The following NDST3 variants were observed in gnomAD, a reference collection of about 807,000 sequenced individuals.
NDST3 encodes the protein N-deacetylase and N-sulfotransferase 3.
Under a neutral mutation model 96.1 loss-of-function variants are expected in NDST3, and 58 were observed. That is an observed-to-expected ratio of 0.60 (90% CI 0.49 to 0.75). The LOEUF (loss-of-function observed/expected upper bound fraction) is 0.75. Ranked by LOEUF, NDST3 falls within the 30% of genes least tolerant of loss-of-function variation. The pLI, the probability that NDST3 is intolerant of heterozygous loss-of-function variation, is 0.00. For missense variants in NDST3, 788 were observed against 1,034.2 expected (o/e 0.76, Z 3.27); for synonymous variants, 333 against 359.7 (o/e 0.93, Z 0.84).
At chr4:118,118,277 T>G (rs983673353) in intron 4 of NDST3, among the ~76,000 whole-genome samples, 6 of 152,160 alleles carry the variant, frequency 3.9e-5, no homozygotes, top group African/African-American at 1.4e-4. Context: ...TGAAAAAACA[T>G]GCAAAGAAGC....
intron 1 of NDST3, among the ~76,000 whole-genome samples, chr4:118,043,910 G>C (rs763906034): frequency 3.9e-5 from 6 of 152,322 alleles, no homozygotes; most frequent in Middle Eastern, 3.4e-3. Flanking sequence ...TCAGGGACGT[G>C]CACTGGAATT....
At chr4:118,149,341 T>C (rs1018018824) in intron 6 of NDST3, among the ~76,000 whole-genome samples, 3 of 152,166 alleles carry the variant, frequency 2.0e-5, no homozygotes, top group African/African-American at 7.2e-5. Flanking sequence ...TAAATTACCT[T>C]GGGCAGTATG....
chr4:118,196,134 G>A (rs1213577645), intron 6 of NDST3, among the ~76,000 whole-genome samples: 3 of 152,152 alleles, frequency 2.0e-5, no homozygotes, highest in Non-Finnish European at 2.9e-5. Context: ...CTACTGATAT[G>A]ATGTATCACA....
rs28847022 is a variant in NDST3, at chr4:118,166,861, A to C, written c.1539+23177A>C. 6.2e-3 allele frequency among the ~76,000 whole-genome samples: 937 copies of C among 152,116 alleles called. 10 individuals carry two copies. The highest frequency in any genetic ancestry group is 0.021 in the African/African-American group (878 of 41,564). On this transcript the variant is annotated intron_variant, in intron 6 of 13. Transcript: ENST00000296499. ...AAAATGCAATATGATTTCATGATAA[A>C]AACTTGCAACAAAGTAGGAATAAAA...
rs1423777125 is a variant in NDST3, at chr4:118,066,294, ATATATTATG to A, written c.981+11407_981+11415del. 2.0e-3 allele frequency among the ~76,000 whole-genome samples: 19 copies of A among 9,288 alleles called. 1 individual carries two copies. The highest frequency in any genetic ancestry group is 3.7e-3 in the Admixed American group (1 of 268). 6.1% of individuals were successfully genotyped at this position (9,288 alleles called of 152,430 possible). ...ATATATTATATATTATATATATTATATATATTATGTATTATATATATTATATATATTATG... is the reference window on the plus strand; with the variant it reads ...ATATATTATATATTATATATATTATATATTATATATATTATATATATTATG... On this transcript the variant is annotated intron_variant, in intron 2 of 13. Coordinates refer to ENST00000296499, the MANE Select transcript of NDST3 (RefSeq NM_004784.3).
At chr4:118,044,895 G>A (rs927696787) in intron 1 of NDST3, among the ~76,000 whole-genome samples, 1 of 152,026 alleles carries the variant, frequency 6.6e-6, no homozygotes, top group Non-Finnish European at 1.5e-5. Context: ...CCAAGATAAT[G>A]ACATTTATCT....
chr4:118,196,302 T>G (rs1030750562), intron 6 of NDST3, among the ~76,000 whole-genome samples: 5 of 152,254 alleles, frequency 3.3e-5, no homozygotes, highest in African/African-American at 1.2e-4. Context: ...TGGCCTGTAG[T>G]TTTCTTTTTT....
At chr4:118,157,941 G>T (rs139295087) in intron 6 of NDST3, among the ~76,000 whole-genome samples, 1 of 152,066 alleles carries the variant, frequency 6.6e-6, no homozygotes, top group East Asian at 1.9e-4. Context: ...ACAAAAGTCT[G>T]CATGGAAAAT....
At chr4:118,084,955 C>A (rs1243658863) in intron 2 of NDST3, among the ~76,000 whole-genome samples, 1 of 152,068 alleles carries the variant, frequency 6.6e-6, no homozygotes, top group African/African-American at 2.4e-5. Context: ...CCCGTCTCTA[C>A]TAAAAATACA....
At chr4:118,140,218 T>C (rs1250023241) in intron 5 of NDST3, among the ~76,000 whole-genome samples, 1 of 152,228 alleles carries the variant, frequency 6.6e-6, no homozygotes, top group Non-Finnish European at 1.5e-5. Flanking sequence ...TATCTACCTA[T>C]TTCTATTCCC....
intron 4 of NDST3, among the ~76,000 whole-genome samples, chr4:118,133,121 C>A (rs570597069): frequency 1.3e-5 from 2 of 152,286 alleles, no homozygotes; most frequent in South Asian, 4.1e-4. Context: ...AATCCCAATC[C>A]AGCACTAGGA....
At chr4:118,186,005 T>C (rs2125958303) in intron 6 of NDST3, among the ~76,000 whole-genome samples, 1 of 152,244 alleles carries the variant, frequency 6.6e-6, no homozygotes, top group South Asian at 2.1e-4. Flanking sequence ...TGAAACCCAG[T>C]GGGAAAACAG....
chr4:118,122,494 C>T (rs11933808), intron 4 of NDST3, among the ~76,000 whole-genome samples: 865 of 13,230 alleles, frequency 0.065, 11 homozygotes, highest in Admixed American at 0.1. Flanking sequence ...TCAGTTTTTT[C>T]TTTCTTTTGT....
intron 4 of NDST3, among the ~76,000 whole-genome samples, chr4:118,130,111 ATCATAGAGTC>A (rs546034095): frequency 1.4e-3 from 220 of 152,174 alleles, no homozygotes; most frequent in African/African-American, 4.5e-3. Context: ...TGGGCAACAG[ATCATAGAGTC>A]TTGTATTTTC....
In NDST3 at chr4:118,054,897, G is replaced by C. The variant is rs764696362; in HGVS notation, c.981+6G>C. The C allele has an allele frequency of 8.7e-6, 14 of 1,606,890 alleles. No homozygotes were observed. The African/African-American group carries it at 1.5e-4, about 17-fold the overall frequency. The stretch of plus-strand genomic sequence containing the variant: ...TGAACACCAATGATGTAAAGGTAAG[G>C]CTCTATTTTCTCAAGTTTCAAAGTT... On this transcript the variant is annotated splice_donor_region_variant and intron_variant, in intron 2 of 13. Coordinates refer to ENST00000296499, the MANE Select transcript of NDST3 (RefSeq NM_004784.3).
chr4:118,129,343 G>C (rs6823295), intron 4 of NDST3, among the ~76,000 whole-genome samples: 120,445 of 151,848 alleles, frequency 0.79, 50,180 homozygotes, highest in South Asian at 0.92. Context: ...TTTCCTCTTA[G>C]TGCTGTTTTT....
At chr4:118,061,102 T>A (rs1392016590) in intron 2 of NDST3, among the ~76,000 whole-genome samples, 1 of 152,086 alleles carries the variant, frequency 6.6e-6, no homozygotes, top group Admixed American at 6.6e-5. Flanking sequence ...TCCAGCAACT[T>A]CCAGTGTCTT....
Position 118,139,015 on chromosome 4 carries a change from CT to C in NDST3, c.1410+777del, listed in dbSNP as rs554133896. On this transcript the variant is annotated intron_variant, in intron 5 of 13. Transcript: ENST00000296499. Reference sequence around the variant, plus strand: ...GTAACACTCTGTTGAACTGATATGTCTGAAGAGATGTTTACCCTTTAGAATT... The same window carrying C: ...GTAACACTCTGTTGAACTGATATGTCGAAGAGATGTTTACCCTTTAGAATT... Among the ~76,000 whole-genome samples, 336 of 152,318 alleles carry C rather than the reference CT, an allele frequency of 2.2e-3. 3 individuals are homozygous for C. The highest frequency in any genetic ancestry group is 2.1e-4 in the Non-Finnish European group (14 of 68,028).
At chr4:118,070,755 G>A (rs551188879) in intron 2 of NDST3, among the ~76,000 whole-genome samples, 1 of 150,506 alleles carries the variant, frequency 6.6e-6, no homozygotes, top group South Asian at 2.1e-4. Context: ...CCATTAACTT[G>A]TCATTTACAT....
Sources: allele counts gnomAD v4.1 joint callset (sites outside exome capture counted in the v4.1 genomes callset), GRCh38; gene constraint gnomAD v4.1.1; transcripts MANE v1.5; gene names NCBI Gene and HGNC (gene_info 2026-07-23, HGNC 2026-07-21).